Variants in BLTP1 observed in about 807,000 individuals in gnomAD.
The protein encoded by BLTP1 is bridge-like lipid transfer protein family member 1.
the BLTP1 span, among the ~76,000 whole-genome samples, chr4:122,228,791 C>T: frequency 6.6e-6 from 1 of 152,118 alleles, no homozygotes; most frequent in African/African-American, 2.4e-5. Flanking sequence ...TCTTGTAAAC[C>T]TGTGGCACTG....
the BLTP1 span, chr4:122,209,354 A>T: frequency 5.0e-6 from 8 of 1,608,628 alleles, no homozygotes; most frequent in African/African-American, 8.1e-5. Flanking sequence ...ACGTAAAATT[A>T]GTGACACAGG....
the BLTP1 span, among the ~76,000 whole-genome samples, chr4:122,287,882 A>AG: frequency 1.3e-5 from 2 of 152,154 alleles, no homozygotes; most frequent in East Asian, 3.8e-4. Flanking sequence ...AAAAGCCCCA[A>AG]GCTCTATTTT....
At chr4:122,254,498 A>G in the BLTP1 span, 6 of 1,315,320 alleles carry the variant, frequency 4.6e-6, no homozygotes, top group Non-Finnish European at 6.0e-6. Flanking sequence ...TATGTTCTGT[A>G]GACATTAGTC....
At chr4:122,301,612 A>G in the BLTP1 span, among the ~76,000 whole-genome samples, 21 of 152,136 alleles carry the variant, frequency 1.4e-4, no homozygotes, top group African/African-American at 4.1e-4. Context: ...ATATTTATAC[A>G]TTTGAAAAAT....
chr4:122,221,548 G>T, the BLTP1 span, among the ~76,000 whole-genome samples: 1 of 152,056 alleles, frequency 6.6e-6, no homozygotes, highest in Non-Finnish European at 1.5e-5. Flanking sequence ...GATACAATGT[G>T]TGTGCGTAGT....
chr4:122,261,262 CT>C, the BLTP1 span: 66,440 of 982,678 alleles, frequency 0.068, 2,455 homozygotes, highest in Middle Eastern at 0.076. Context: ...TCTGTCTTAG[CT>C]TTTTTTCCTG....
the BLTP1 span, chr4:122,356,134 T>G: frequency 1.6e-6 from 1 of 615,122 alleles, no homozygotes; most frequent in Non-Finnish European, 2.7e-6. Flanking sequence ...TTATCAGCTA[T>G]ATGACCTCTG....
At chr4:122,294,611 C>G in the BLTP1 span, among the ~76,000 whole-genome samples, 1 of 152,048 alleles carries the variant, frequency 6.6e-6, no homozygotes, top group Non-Finnish European at 1.5e-5. Flanking sequence ...ATTCAGAGGT[C>G]AGCAAACTCA....
At chr4:122,255,114 T>G in the BLTP1 span, 1 of 1,594,494 alleles carries the variant, frequency 6.3e-7, no homozygotes. Flanking sequence ...AAATCTATTG[T>G]TGTTTCTTGA....
chr4:122,210,691 T>C, the BLTP1 span: 1 of 246,794 alleles, frequency 4.1e-6, no homozygotes. Context: ...CATATTTCAA[T>C]GATTTATTCT....
chr4:122,294,305 G>T, the BLTP1 span, among the ~76,000 whole-genome samples: 1 of 152,218 alleles, frequency 6.6e-6, no homozygotes, highest in Admixed American at 6.5e-5. Flanking sequence ...TGCCCAACTG[G>T]ATGAGACCTC....
the BLTP1 span, chr4:122,313,749 G>T: frequency 9.9e-7 from 1 of 1,011,242 alleles, no homozygotes; most frequent in East Asian, 2.6e-5. Flanking sequence ...TTAATGGCAA[G>T]AGAATCTTTT....
chr4:122,289,035 AAG>A, the BLTP1 span: 2 of 1,554,762 alleles, frequency 1.3e-6, no homozygotes, highest in Non-Finnish European at 1.7e-6. Context: ...TGTAAGAAAA[AAG>A]TGTAAAGCTA....
the BLTP1 span, chr4:122,207,545 T>C: frequency 6.3e-7 from 1 of 1,591,982 alleles, no homozygotes; most frequent in Admixed American, 1.7e-5. Context: ...TTGTAGTGTA[T>C]CTGGCAGCCT....
At chr4:122,230,280 A>C in the BLTP1 span, 3 of 1,285,464 alleles carry the variant, frequency 2.3e-6, no homozygotes, top group Non-Finnish European at 3.3e-6. Context: ...ATTGTAGAGG[A>C]AATTCTACTG....
the BLTP1 span, among the ~76,000 whole-genome samples, chr4:122,354,322 T>A: frequency 6.6e-6 from 1 of 152,312 alleles, no homozygotes; most frequent in South Asian, 2.1e-4. Context: ...GAAAAATATT[T>A]TTCTAGTAAT....
the BLTP1 span, chr4:122,170,296 ACTC>A: frequency 2.1e-6 from 2 of 936,902 alleles, no homozygotes; most frequent in Non-Finnish European, 1.3e-6. Context: ...CAACAGCAAA[ACTC>A]CTTCTCAAAA....
chr4:122,217,238 T>C, the BLTP1 span, among the ~76,000 whole-genome samples: 1 of 152,218 alleles, frequency 6.6e-6, no homozygotes, highest in African/African-American at 2.4e-5. Flanking sequence ...AGTACCTTGC[T>C]GTTTTGGTAA....
the BLTP1 span, chr4:122,174,189 A>G: frequency 3.0e-6 from 3 of 985,184 alleles, no homozygotes; most frequent in Non-Finnish European, 3.6e-6. Flanking sequence ...TCTTTCAAAC[A>G]TAAATCGTCT....
Sources: gnomAD v4.1 joint callset for allele counts (sites outside exome capture counted in the v4.1 genomes callset) on GRCh38, gnomAD v4.1.1 for gene constraint, MANE v1.5 for transcripts, NCBI Gene and HGNC (gene_info 2026-07-23, HGNC 2026-07-21) for gene names.